The following DMD variants were observed in gnomAD, a reference collection of about 807,000 sequenced individuals.
DMD encodes the protein mutant dystrophin.
DMD carries 63 observed loss-of-function variants against 330.1 expected under a neutral mutation model. The observed-to-expected ratio is 0.19, with a 90% CI of 0.16 to 0.24. The LOEUF is 0.24. Among genes scored for constraint, DMD ranks in the 10% least tolerant of loss-of-function variants. The probability of loss-of-function intolerance (pLI) is 1.00; values close to 1 mark genes in which losing one functional copy is unlikely to be tolerated. For missense variants in DMD, 3,344 were observed against 2,684.1 expected (o/e 1.25, Z -5.43); for synonymous variants, 1,223 against 959.8 (o/e 1.27, Z -5.07).
At chrX:31,773,542 A>G (rs2090463394) in intron 51 of DMD, among the ~76,000 whole-genome samples, 1 of 111,574 alleles carries the variant, frequency 9.0e-6, no homozygotes, top group Non-Finnish European at 1.9e-5. Context: ...AGAAGAGTGG[A>G]TAATAATCAA....
chrX:32,712,393 T>A (rs5972653), intron 7 of DMD, among the ~76,000 whole-genome samples: 1,260 of 111,728 alleles, frequency 0.011, 27 homozygotes, highest in African/African-American at 0.038. Context: ...TGAGTATTAC[T>A]ATATATCTAA....
At chrX:33,001,085 C>T (rs1410992607) in intron 2 of DMD, among the ~76,000 whole-genome samples, 1 of 111,572 alleles carries the variant, frequency 9.0e-6, no homozygotes, top group African/African-American at 3.3e-5. Context: ...GGACATGTGA[C>T]TTCATGATAA....
intron 13 of DMD, among the ~76,000 whole-genome samples, chrX:32,575,567 C>T (rs1014143980): frequency 2.7e-5 from 3 of 112,393 alleles, no homozygotes; most frequent in Admixed American, 9.4e-5. Flanking sequence ...CTAATTATTA[C>T]GAAGCAGTAT....
chrX:32,511,380 G>A (rs1446328815), intron 18 of DMD, among the ~76,000 whole-genome samples: 1 of 108,234 alleles, frequency 9.2e-6, no homozygotes, highest in East Asian at 2.9e-4. Flanking sequence ...AAATTAGCTG[G>A]ACGTGGTGGC....
At chrX:33,310,241 A>C (rs1026431594) in intron 1 of DMD, among the ~76,000 whole-genome samples, 1 of 111,690 alleles carries the variant, frequency 9.0e-6, no homozygotes, top group African/African-American at 3.2e-5. Flanking sequence ...TTAAAAATGC[A>C]TGGAGCCTAT....
At chrX:31,489,845 G>C (rs1268577084) in intron 57 of DMD, among the ~76,000 whole-genome samples, 1 of 112,305 alleles carries the variant, frequency 8.9e-6, no homozygotes, top group Non-Finnish European at 1.9e-5. Flanking sequence ...TGCAGATACT[G>C]TTTTAAAGAG....
chrX:31,208,699 C>T (rs182736106), intron 65 of DMD, among the ~76,000 whole-genome samples: 431 of 111,886 alleles, frequency 3.9e-3, no homozygotes, highest in Middle Eastern at 9.2e-3. Context: ...TTTTGCAACT[C>T]TTTTCAGAAA....
rs747119156 is a variant in DMD, at chrX:31,266,886, A to C, written c.9225-5870T>G. On this transcript the variant is annotated intron_variant, in intron 62 of 78. Coordinates refer to ENST00000357033, the MANE Select transcript of DMD (RefSeq NM_004006.3). ...ACGAGTGGAGGAGTGAGCTTCCCAG[A>C]GCCGCCGGGCTCCCCGAAAGTGGAG... is the stretch of plus-strand genomic sequence containing the variant. 1.7e-5 allele frequency: 20 copies of C among 1,188,909 alleles called. No homozygotes were observed. The South Asian group carries it at 2.6e-4, about 15-fold the overall frequency.
chrX:33,235,593 C>G (rs993498649), intron 1 of DMD, among the ~76,000 whole-genome samples: 1 of 111,552 alleles, frequency 9.0e-6, no homozygotes, highest in African/African-American at 3.3e-5. Flanking sequence ...ATAGTTTTCA[C>G]AACAGTTTAA....
intron 2 of DMD, among the ~76,000 whole-genome samples, chrX:32,997,920 T>C (rs1285600051): frequency 8.9e-6 from 1 of 112,372 alleles, no homozygotes; most frequent in East Asian, 2.8e-4. Context: ...GTCTTGTTAC[T>C]TCTCAAAAAA....
chrX:32,340,644 T>C (rs1273718547), intron 41 of DMD, among the ~76,000 whole-genome samples: 2 of 112,028 alleles, frequency 1.8e-5, no homozygotes, highest in African/African-American at 6.5e-5. Context: ...AGTAGTCAGA[T>C]AATTCAAAGC....
intron 44 of DMD, among the ~76,000 whole-genome samples, chrX:32,122,347 T>C (rs973191029): frequency 2.7e-5 from 3 of 111,775 alleles, no homozygotes; most frequent in Non-Finnish European, 3.8e-5. Flanking sequence ...ATCTGTGGTA[T>C]AGCAAACCCT....
chrX:32,483,624 T>G (rs919136406), intron 21 of DMD, among the ~76,000 whole-genome samples: 1 of 108,881 alleles, frequency 9.2e-6, no homozygotes, highest in Non-Finnish European at 1.9e-5. Flanking sequence ...ATGTATGTAA[T>G]GACAAGTGAA....
chrX:32,716,338 G>A (rs1162349524), intron 7 of DMD, among the ~76,000 whole-genome samples: 2 of 110,352 alleles, frequency 1.8e-5, no homozygotes, highest in Non-Finnish European at 3.8e-5. Flanking sequence ...TTAAAAGTGT[G>A]TAGTACTGCC....
At chrX:33,026,964 A>G (rs2094016289) in intron 1 of DMD, among the ~76,000 whole-genome samples, 1 of 111,918 alleles carries the variant, frequency 8.9e-6, no homozygotes, top group Non-Finnish European at 1.9e-5. Context: ...GTTAACGAAG[A>G]CCAGATTTAC....
chrX:32,821,701 G>A (rs1388418721), intron 5 of DMD, among the ~76,000 whole-genome samples: 1 of 111,668 alleles, frequency 9.0e-6, no homozygotes, highest in African/African-American at 3.3e-5. Context: ...CTCATTGCAA[G>A]AAGCCAGACA....
At position 32,545,925 on chromosome X, in the gene DMD, G is replaced by A. The variant is rs1357623837; in HGVS notation, c.1993-591C>T. Among the ~76,000 whole-genome samples the A allele has an allele frequency of 2.7e-5, 3 of 109,706 alleles. 1 individual carries two copies. Among genetic ancestry groups the A allele is most frequent in the African/African-American group, 6.6e-5 (2 of 30,225 alleles). On this transcript the variant is annotated intron_variant, in intron 16 of 78. Transcript: ENST00000357033. ...TGTATTAGTCCATATATATCTTTAT[G>A]TTGAATGTTATTCAAATGCTAAAAA...
chrX:32,488,957 T>C (rs764518891), intron 20 of DMD, among the ~76,000 whole-genome samples: 3 of 111,138 alleles, frequency 2.7e-5, no homozygotes, highest in South Asian at 7.6e-4. Flanking sequence ...TTAACTGTTC[T>C]CTTACCTAAT....
At chrX:32,773,605 AC>A (rs1557016383) in intron 7 of DMD, among the ~76,000 whole-genome samples, 1 of 104,165 alleles carries the variant, frequency 9.6e-6, no homozygotes, top group Non-Finnish European at 2.0e-5. Flanking sequence ...CCATCATCCC[AC>A]TCTCTATCTC....
Sources: gnomAD v4.1 joint callset for allele counts (sites outside exome capture counted in the v4.1 genomes callset) on GRCh38, gnomAD v4.1.1 for gene constraint, MANE v1.5 for transcripts, NCBI Gene and HGNC (gene_info 2026-07-23, HGNC 2026-07-21) for gene names.